The following MTR variants were observed in gnomAD, a reference collection of about 807,000 sequenced individuals.
MTR encodes 5-methyltetrahydrofolate-homocysteine methyltransferase.
Under a neutral mutation model 154.8 loss-of-function variants are expected in MTR, and 84 were observed. The ratio of observed to expected loss-of-function variants is 0.54; its 90% confidence interval spans 0.45 to 0.65. The LOEUF (loss-of-function observed/expected upper bound fraction) is 0.65. Ranked by LOEUF, MTR falls within the 30% of genes least tolerant of loss-of-function variation. MTR has a pLI of 0.00. For synonymous variants in MTR, 554 were observed against 553.9 expected, an observed-to-expected ratio of 1.00 and a Z score of 0.00; for missense variants, 1,275 against 1,570.2, an observed-to-expected ratio of 0.81 and a Z score of 3.18.
intron 4 of MTR, 115 bp downstream of exon 4, chr1:236,808,888 T>C: frequency 1.2e-6 from 1 of 846,152 alleles, no homozygotes; most frequent in Non-Finnish European, 2.0e-6. Context: ...CGAGTAACAC[T>C]GCAGAGACTG....
intron 15 of MTR, among the ~76,000 whole-genome samples, chr1:236,838,926 A>C (rs1663066499): frequency 6.6e-6 from 1 of 152,214 alleles, no homozygotes; most frequent in Non-Finnish European, 1.5e-5. Context: ...TCTATGTTAT[A>C]AGCTAATATA....
Position 236,806,245 on chromosome 1 carries a change from A to G in MTR, c.339+12A>G. The G allele has an allele frequency of 1.2e-6, 2 of 1,602,926 alleles. No homozygotes were observed. The highest frequency in any genetic ancestry group is 1.7e-6 in the Non-Finnish European group (2 of 1,169,882). On this transcript the variant is annotated intron_variant, in intron 3 of 32. Coordinates refer to ENST00000366577, the MANE Select transcript of MTR (RefSeq NM_000254.3). Reference sequence around the variant, plus strand: ...GCCTTGAACACTTGGTAAGAATTCCATTGTTCCATGTGTCTAAGATGCTTA... The same window carrying G: ...GCCTTGAACACTTGGTAAGAATTCCGTTGTTCCATGTGTCTAAGATGCTTA...
At chr1:236,846,557 C>T (rs3754255) in intron 15 of MTR, among the ~76,000 whole-genome samples, 66,398 of 151,930 alleles carry the variant, frequency 0.44, 14,688 homozygotes, top group East Asian at 0.49. Context: ...CTAATTAATC[C>T]TAACCTGGAA....
chr1:236,840,697 A>C (rs2789352), intron 15 of MTR, among the ~76,000 whole-genome samples: 110,440 of 152,184 alleles, frequency 0.73, 41,370 homozygotes, highest in African/African-American at 0.92. Context: ...ATTTTCCCAT[A>C]TTAGTGGATT....
chr1:236,900,057 C>A lies in MTR; in HGVS notation c.*2413C>A, dbSNP rs1572357757. ...GACGTTATGATCTTGCTTCCAACTC[C>A]CACCTGTATGTCCAGCAAACTCTTG... On this transcript the variant is annotated 3_prime_UTR_variant, in exon 33 of 33. Transcript: ENST00000366577. 1 of 266,280 alleles carries A rather than the reference C, an allele frequency of 3.8e-6. No individual in the cohort carries two copies. Among genetic ancestry groups the A allele is most frequent in the Non-Finnish European group, 7.6e-6 (1 of 131,048 alleles). The allele number at this position is 266,280 out of a possible 1,614,324, so 16.5% of individuals were successfully genotyped here.
At chr1:236,822,316 T>TTTG (rs1553313636) in intron 8 of MTR, among the ~76,000 whole-genome samples, 1 of 149,158 alleles carries the variant, frequency 6.7e-6, no homozygotes, top group Non-Finnish European at 1.5e-5. Context: ...TTTTTTGTTT[T>TTTG]TTTTTTTTTT....
chr1:236,862,648 T>C (rs543049090), intron 21 of MTR, among the ~76,000 whole-genome samples: 1 of 152,360 alleles, frequency 6.6e-6, no homozygotes, highest in East Asian at 1.9e-4. Context: ...TGCTGTGATG[T>C]GCCAAGTACT....
At chr1:236,862,169 A>T in intron 20 of MTR, 67 bp from the exon 21 acceptor site, 1 of 1,325,984 alleles carries the variant, frequency 7.5e-7, no homozygotes, top group Non-Finnish European at 1.1e-6. Context: ...CCCAAATTTC[A>T]CAAGTGGCCA....
rs115406385 is a variant in MTR at position 236,893,506 on chromosome 1, A to G, written c.3205-851A>G. On this transcript the variant is annotated intron_variant, in intron 29 of 32. Coordinates refer to ENST00000366577, the MANE Select transcript of MTR (RefSeq NM_000254.3). ...CCTATGCCCCTGATTTCTTGTCTGT[A>G]AAATGGAGCTGATGGTATCACCTAT... 4.1e-3 allele frequency among the ~76,000 whole-genome samples: 627 copies of G among 152,266 alleles called. 4 individuals carry two copies. The highest frequency in any genetic ancestry group is 0.015 in the African/African-American group (609 of 41,542).
intron 25 of MTR, among the ~76,000 whole-genome samples, chr1:236,883,469 C>G (rs1477294513): frequency 6.6e-6 from 1 of 152,160 alleles, no homozygotes; most frequent in African/African-American, 2.4e-5. Context: ...CGTAGATTCT[C>G]TGGATGTCAA....
chr1:236,804,732 A>AT (rs549095920), intron 2 of MTR, among the ~76,000 whole-genome samples: 8 of 152,028 alleles, frequency 5.3e-5, no homozygotes, highest in Non-Finnish European at 8.8e-5. Context: ...CTAAATTGCT[A>AT]TTTTTTCCCC....
At position 236,822,728 on chromosome 1, in the gene MTR, T is replaced by G. The variant is rs1018764632; in HGVS notation, c.765-1391T>G. On this transcript the variant is annotated intron_variant, in intron 8 of 32. Transcript: ENST00000366577. ...ATAATTGCTTGTTAGTTCAAGGAGTTTTTAGTGATTCTCTGGGATTTTCTA... is the reference window on the plus strand; with the variant it reads ...ATAATTGCTTGTTAGTTCAAGGAGTGTTTAGTGATTCTCTGGGATTTTCTA... Among the ~76,000 whole-genome samples, 60 of 152,224 alleles carry G rather than the reference T, an allele frequency of 3.9e-4. 1 individual carries two copies. The highest frequency in any genetic ancestry group is 1.4e-3 in the African/African-American group (58 of 41,454).
At chr1:236,862,098 C>T (rs2103306171) in intron 20 of MTR, 138 bp from the exon 21 acceptor site, 1 of 764,938 alleles carries the variant, frequency 1.3e-6, no homozygotes. Flanking sequence ...TTTGTTCTGC[C>T]TACTGTCAAA....
chr1:236,854,692 C>T (rs1664103594), intron 18 of MTR, among the ~76,000 whole-genome samples: 1 of 152,216 alleles, frequency 6.6e-6, no homozygotes. Context: ...CCAGAGGAGG[C>T]AGCCCTCTCA....
intron 26 of MTR, among the ~76,000 whole-genome samples, chr1:236,885,760 G>T (rs182571530): frequency 6.6e-6 from 1 of 152,188 alleles, no homozygotes; most frequent in Non-Finnish European, 1.5e-5. Context: ...ATTTCTTTCC[G>T]GTTATCTGCC....
chr1:236,891,021 G>A, intron 28 of MTR, 112 bp from the exon 29 acceptor site: 1 of 1,237,812 alleles, frequency 8.1e-7, no homozygotes, highest in Non-Finnish European at 1.2e-6. Context: ...GGAAAATGGA[G>A]AAGCCTGAAG....
chr1:236,826,549 G>C (rs1662298225), intron 10 of MTR, among the ~76,000 whole-genome samples: 1 of 152,136 alleles, frequency 6.6e-6, no homozygotes, highest in African/African-American at 2.4e-5. Context: ...TCCTGCCTTT[G>C]CCTCCCAAAG....
chr1:236,851,144 A>G (rs1199683805), intron 16 of MTR, among the ~76,000 whole-genome samples: 3 of 152,206 alleles, frequency 2.0e-5, no homozygotes, highest in Admixed American at 6.5e-5. Flanking sequence ...TCAATACTCA[A>G]CGTCACTTCT....
intron 13 of MTR, among the ~76,000 whole-genome samples, chr1:236,832,446 G>T (rs1662665420): frequency 6.6e-6 from 1 of 152,216 alleles, no homozygotes. Flanking sequence ...ATTCCTGTCA[G>T]TTCCTTATGA....
Sources: gnomAD v4.1 joint callset for allele counts (sites outside exome capture counted in the v4.1 genomes callset) on GRCh38, gnomAD v4.1.1 for gene constraint, MANE v1.5 for transcripts, NCBI Gene and HGNC (gene_info 2026-07-23, HGNC 2026-07-21) for gene names.